The following ASAP1 variants were observed in gnomAD, a reference collection of about 807,000 sequenced individuals.
ASAP1 encodes the protein arf-GAP with SH3 domain, ANK repeat and PH domain-containing protein 1.
In ASAP1, 43 loss-of-function variants were observed where a neutral mutation model predicts 145.2. The observed-to-expected ratio is 0.30, with a 90% CI of 0.23 to 0.38. ASAP1 has a LOEUF of 0.38. Among genes scored for constraint, ASAP1 ranks in the 10% least tolerant of loss-of-function variants. The pLI is 1.00. For synonymous variants in ASAP1, 546 were observed against 515.5 expected, an observed-to-expected ratio of 1.06 and a Z score of -0.80; for missense variants, 1,018 against 1,355.3, an observed-to-expected ratio of 0.75 and a Z score of 3.91.
At chr8:130,343,794 G>A (rs751854129) in intron 3 of ASAP1, among the ~76,000 whole-genome samples, 39 of 152,184 alleles carry the variant, frequency 2.6e-4, no homozygotes, top group Non-Finnish European at 5.1e-4. Flanking sequence ...AAGGGAGGGA[G>A]GGAAACATTT....
intron 9 of ASAP1, among the ~76,000 whole-genome samples, chr8:130,177,020 C>T (rs1814008178): frequency 6.6e-6 from 1 of 152,084 alleles, no homozygotes; most frequent in Admixed American, 6.6e-5. Context: ...TCCATGGTAC[C>T]CGTCACTGTC....
intron 3 of ASAP1, among the ~76,000 whole-genome samples, chr8:130,260,604 T>C (rs868675232): frequency 6.6e-6 from 1 of 152,302 alleles, no homozygotes; most frequent in East Asian, 1.9e-4. Flanking sequence ...TCTCCCTCTA[T>C]TGAGATGTAA....
chr8:130,329,906 A>G (rs1407519533), intron 3 of ASAP1, among the ~76,000 whole-genome samples: 2 of 152,168 alleles, frequency 1.3e-5, no homozygotes, highest in Non-Finnish European at 2.9e-5. Context: ...TACTCAAATA[A>G]TTTTCTAGTC....
chr8:130,279,081 T>C (rs1821100139), intron 3 of ASAP1, among the ~76,000 whole-genome samples: 1 of 151,992 alleles, frequency 6.6e-6, no homozygotes, highest in South Asian at 2.1e-4. Context: ...ACAGAACAAA[T>C]CCTGGTCCCT....
At chr8:130,421,888 G>A (rs767777835) in intron 1 of ASAP1, among the ~76,000 whole-genome samples, 3 of 152,166 alleles carry the variant, frequency 2.0e-5, no homozygotes, top group Non-Finnish European at 2.9e-5. Context: ...TCCAAAAAAG[G>A]CTTCACCTGA....
chr8:130,239,451 T>C (rs184666674), intron 3 of ASAP1, among the ~76,000 whole-genome samples: 1 of 152,088 alleles, frequency 6.6e-6, no homozygotes, highest in Non-Finnish European at 1.5e-5. Context: ...GTGGCTGAGC[T>C]GGAATTTGAA....
intron 5 of ASAP1, among the ~76,000 whole-genome samples, chr8:130,208,176 A>G (rs1222440071): frequency 6.6e-6 from 1 of 152,208 alleles, no homozygotes; most frequent in Non-Finnish European, 1.5e-5. Flanking sequence ...CCCAATAGTA[A>G]CATCTTATAT....
At chr8:130,203,780 C>T (rs1008437736) in intron 5 of ASAP1, among the ~76,000 whole-genome samples, 1 of 152,292 alleles carries the variant, frequency 6.6e-6, no homozygotes, top group African/African-American at 2.4e-5. Flanking sequence ...TTGCAATGTA[C>T]TTCCAGATCT....
At chr8:130,155,133 T>G (rs115490992) in intron 12 of ASAP1, among the ~76,000 whole-genome samples, 76 of 152,316 alleles carry the variant, frequency 5.0e-4, no homozygotes, top group African/African-American at 1.7e-3. Context: ...CCTCAGTTTA[T>G]CCATTTTATT....
chr8:130,122,091 G>GC (rs2097567194), intron 18 of ASAP1, among the ~76,000 whole-genome samples: 1 of 151,916 alleles, frequency 6.6e-6, no homozygotes. Context: ...GTGCCTTCAT[G>GC]CCCCTCAATT....
At chr8:130,283,587 G>GAAAAAAAAAAAAAAAAAAAAAA (rs71304303) in intron 3 of ASAP1, among the ~76,000 whole-genome samples, 7 of 20,878 alleles carry the variant, frequency 3.4e-4, no homozygotes, top group African/African-American at 1.2e-3. Context: ...ATCACAGAAA[G>GAAAAAAAAAAAAAAAAAAAAAA]AAAAAAAAAA....
At chr8:130,121,784 CAAAAAAAAAAAA>C (rs56996962) in intron 18 of ASAP1, among the ~76,000 whole-genome samples, 6 of 25,406 alleles carry the variant, frequency 2.4e-4, no homozygotes, top group African/African-American at 3.5e-4. Flanking sequence ...AATTCCATCT[CAAAAAAAAAAAA>C]AAAAAAAAAA....
At chr8:130,304,572 C>CTA (rs2137463595) in intron 3 of ASAP1, among the ~76,000 whole-genome samples, 2 of 152,346 alleles carry the variant, frequency 1.3e-5, no homozygotes, top group African/African-American at 4.8e-5. Context: ...CAATAGTCTT[C>CTA]TATGCATCTG....
At chr8:130,167,344 G>C (rs867355792) in intron 11 of ASAP1, 192 bp downstream of exon 11, 8 of 714,112 alleles carry the variant, frequency 1.1e-5, no homozygotes, top group African/African-American at 5.3e-5. Flanking sequence ...TCATGGAATT[G>C]GATACCCAGA....
chr8:130,257,471 T>G (rs1399322626), intron 3 of ASAP1, among the ~76,000 whole-genome samples: 2 of 152,172 alleles, frequency 1.3e-5, no homozygotes. Context: ...TAAAGAATAT[T>G]TCACTTCATA....
intron 27 of ASAP1, among the ~76,000 whole-genome samples, chr8:130,064,157 T>C (rs946872578): frequency 2.6e-5 from 4 of 152,168 alleles, no homozygotes; most frequent in African/African-American, 9.7e-5. Context: ...AAGGCTCCAG[T>C]GTTCTGTTGA....
At chr8:130,257,789 C>G (rs1027481762) in intron 3 of ASAP1, among the ~76,000 whole-genome samples, 3 of 133,942 alleles carry the variant, frequency 2.2e-5, no homozygotes, top group Non-Finnish European at 5.0e-5. Flanking sequence ...CAAGAGCACC[C>G]CCCCCCCATT....
At chr8:130,166,684 C>T (rs2097680475) in intron 11 of ASAP1, among the ~76,000 whole-genome samples, 1 of 151,992 alleles carries the variant, frequency 6.6e-6, no homozygotes, top group South Asian at 2.1e-4. Context: ...AAGCTTAGTA[C>T]CTAGAACTGT....
chr8:130,077,673 A>G (rs12546603), intron 26 of ASAP1, among the ~76,000 whole-genome samples: 23,798 of 149,280 alleles, frequency 0.16, 2,551 homozygotes, highest in East Asian at 0.45. Context: ...AGCTAACTGC[A>G]TTTAAAAGAA....
Sources: allele counts gnomAD v4.1 joint callset (sites outside exome capture counted in the v4.1 genomes callset), GRCh38; gene constraint gnomAD v4.1.1; transcripts MANE v1.5; gene names NCBI Gene and HGNC (gene_info 2026-07-23, HGNC 2026-07-21).